CLEC2D: variants seen among roughly 807,000 people sequenced by gnomAD.
CLEC2D encodes the protein C-type lectin domain family 2 member D.
Under a neutral mutation model 20.0 loss-of-function variants are expected in CLEC2D, and 16 were observed. That is an observed-to-expected ratio of 0.80 (90% CI 0.54 to 1.22). The LOEUF is 1.22. Ranked by LOEUF, CLEC2D falls within the 50% of genes most tolerant of loss-of-function variation. The pLI is 0.00. For synonymous variants in CLEC2D, 77 were observed against 71.1 expected (o/e 1.08, Z -0.42); for missense variants, 207 against 221.5 (o/e 0.93, Z 0.42).
At chr12:9,680,193 C>A (rs1475790950) in intron 1 of CLEC2D, 14 of 317,320 alleles carry the variant, frequency 4.4e-5, no homozygotes, top group African/African-American at 3.0e-4. Flanking sequence ...TTGTTAGGCA[C>A]TTCTGTCTCC....
intron 1 of CLEC2D, among the ~76,000 whole-genome samples, chr12:9,670,134 G>A (rs1344481789): frequency 6.6e-6 from 1 of 151,990 alleles, no homozygotes; most frequent in Non-Finnish European, 1.5e-5. Flanking sequence ...TATTACATAG[G>A]TAGAAAACCT....
At position 9,672,608 on chromosome 12, in the gene CLEC2D, G is replaced by A. The variant is rs142863506; in HGVS notation, c.61+2813G>A. Among the ~76,000 whole-genome samples, 751 of 152,208 alleles carry A rather than the reference G, an allele frequency of 4.9e-3. 4 individuals are homozygous for A. The highest frequency in any genetic ancestry group is 0.016 in the African/African-American group (677 of 41,510). ...ATTTCCTGAATTTGAATATTGGCCT[G>A]TCTTGCTAGGTTGGGGAAGTTCTCC... On this transcript the variant is annotated intron_variant, in intron 1 of 4. Coordinates refer to ENST00000290855, the MANE Select transcript of CLEC2D (RefSeq NM_013269.6).
chr12:9,681,006 G>C lies in CLEC2D; in HGVS notation c.145G>C (p.Val49Leu). ...CTTAATCATGTTTCTGACAATCATAGTGTGTGGAATGGTTGCTGCTTTAAG... is the reference window on the plus strand; with the variant it reads ...CTTAATCATGTTTCTGACAATCATACTGTGTGGAATGGTTGCTGCTTTAAG... The part of the protein sequence containing the change: ...FFLIMFLTII[V>L]CGMVAALSAI... Residue 49 changes from valine to leucine, a missense_variant, in exon 2 of 5, where the codon GTG becomes CTG. By Grantham distance (32) the Val-to-Leu change is conservative. Coordinates refer to ENST00000290855, the MANE Select transcript of CLEC2D (RefSeq NM_013269.6). 6.3e-7 allele frequency: 1 copy of C among 1,596,124 alleles called. No homozygotes were observed. Among genetic ancestry groups the C allele is most frequent in the Non-Finnish European group, 8.6e-7 (1 of 1,164,600 alleles).
chr12:9,680,705 T>C (rs1194717894), intron 1 of CLEC2D, among the ~76,000 whole-genome samples: 1 of 152,198 alleles, frequency 6.6e-6, no homozygotes, highest in Non-Finnish European at 1.5e-5. Context: ...AAAGGGTAAC[T>C]TGAATATGGT....
intron 4 of CLEC2D, among the ~76,000 whole-genome samples, chr12:9,694,288 C>T (rs919932058): frequency 1.3e-5 from 2 of 152,108 alleles, no homozygotes; most frequent in Non-Finnish European, 2.9e-5. Flanking sequence ...AATTTATAAT[C>T]CAAATGCTGA....
chr12:9,688,213 T>G, intron 3 of CLEC2D, 127 bp downstream of exon 3: 1 of 1,221,024 alleles, frequency 8.2e-7, no homozygotes, highest in African/African-American at 1.6e-5. Context: ...TTTTTTTTTT[T>G]TGCATAACGA....
chr12:9,693,010 G>A, intron 4 of CLEC2D, 79 bp downstream of exon 4: 1 of 1,607,232 alleles, frequency 6.2e-7, no homozygotes, highest in Non-Finnish European at 8.5e-7. Context: ...CTAGTTACAT[G>A]CTTTAAAAAA....
intron 2 of CLEC2D, among the ~76,000 whole-genome samples, chr12:9,686,294 A>G (rs1865748259): frequency 6.6e-6 from 1 of 151,876 alleles, no homozygotes; most frequent in Non-Finnish European, 1.5e-5. Flanking sequence ...GTTTCTAATC[A>G]GCCATCTTGC....
intron 1 of CLEC2D, among the ~76,000 whole-genome samples, chr12:9,677,422 G>A (rs1286747111): frequency 6.6e-6 from 1 of 151,858 alleles, no homozygotes; most frequent in African/African-American, 2.4e-5. Context: ...GAGATTAGTG[G>A]GATTTTAAAA....
chr12:9,675,632 C>T (rs1434266075), intron 1 of CLEC2D, among the ~76,000 whole-genome samples: 2 of 152,084 alleles, frequency 1.3e-5, no homozygotes, highest in Non-Finnish European at 2.9e-5. Flanking sequence ...GGTCTTTTGC[C>T]TATCTATATA....
intron 4 of CLEC2D, 135 bp downstream of exon 4, chr12:9,693,066 A>G (rs1281528596): frequency 1.9e-6 from 3 of 1,613,896 alleles, no homozygotes; most frequent in African/African-American, 1.3e-5. Flanking sequence ...GCCAACTTGT[A>G]TGTTGCAAAG....
chr12:9,689,233 A>G (rs994497796), intron 3 of CLEC2D, among the ~76,000 whole-genome samples: 7 of 152,204 alleles, frequency 4.6e-5, no homozygotes, highest in Non-Finnish European at 1.0e-4. Context: ...GACAATTTTT[A>G]TTAGATAACT....
intron 2 of CLEC2D, among the ~76,000 whole-genome samples, chr12:9,685,631 C>T (rs987669799): frequency 6.6e-6 from 1 of 152,104 alleles, no homozygotes; most frequent in Non-Finnish European, 1.5e-5. Flanking sequence ...GTCCGAACTT[C>T]CCCCAGGGCT....
intron 1 of CLEC2D, among the ~76,000 whole-genome samples, chr12:9,673,702 C>T (rs376560475): frequency 6.6e-6 from 1 of 152,236 alleles, no homozygotes; most frequent in African/African-American, 2.4e-5. Context: ...TTCTCTGACT[C>T]AGCGAGATGA....
At chr12:9,669,818 GT>G (rs1865371344) in intron 1 of CLEC2D, 23 bp downstream of exon 1, 1 of 1,582,368 alleles carries the variant, frequency 6.3e-7, no homozygotes, top group Non-Finnish European at 8.7e-7. Flanking sequence ...GCTCTACAGA[GT>G]AAGTGTGAGG....
At position 9,699,093 on chromosome 12, in the gene CLEC2D, A is replaced by G. The variant is rs114338296; in HGVS notation, c.*4219A>G. The G allele has an allele frequency of 1.3e-5, 2 of 152,048 alleles. No homozygotes were observed. Among genetic ancestry groups the G allele is most frequent in the Non-Finnish European group, 2.9e-5 (2 of 67,992 alleles). 9.4% of individuals were successfully genotyped at this position (152,048 alleles called of 1,614,324 possible). ...GACTTTGTCCCAGGCCATTTATGTG[A>G]TCTTCACCCCATTAAGTTCTCCCCA... On this transcript the variant is annotated 3_prime_UTR_variant, in exon 5 of 5. Coordinates refer to ENST00000290855, the MANE Select transcript of CLEC2D (RefSeq NM_013269.6).
At chr12:9,693,248 C>A (rs1417961180) in intron 4 of CLEC2D, 1 of 642,762 alleles carries the variant, frequency 1.6e-6, no homozygotes, top group Non-Finnish European at 2.8e-6. Context: ...TGCACTTGTC[C>A]TCCTGATTTC....
At chr12:9,683,587 A>G (rs1378536603) in intron 2 of CLEC2D, among the ~76,000 whole-genome samples, 1 of 152,156 alleles carries the variant, frequency 6.6e-6, no homozygotes, top group Non-Finnish European at 1.5e-5. Flanking sequence ...AGTTTTCTGC[A>G]TATGGCTAGC....
At chr12:9,679,381 G>GT (rs985348533) in intron 1 of CLEC2D, among the ~76,000 whole-genome samples, 21 of 152,052 alleles carry the variant, frequency 1.4e-4, no homozygotes, top group African/African-American at 4.3e-4. Context: ...CTGGCAACAA[G>GT]TTATCTCAAT....
Sources: allele counts gnomAD v4.1 joint callset (sites outside exome capture counted in the v4.1 genomes callset), GRCh38; gene constraint gnomAD v4.1.1; transcripts MANE v1.5; gene names NCBI Gene and HGNC (gene_info 2026-07-23, HGNC 2026-07-21).